The following TCF4 variants were observed in gnomAD, a reference collection of about 807,000 sequenced individuals.
TCF4 encodes the protein SL3-3 enhancer factor 2.
Under a neutral mutation model 82.1 loss-of-function variants are expected in TCF4, and 3 were observed. The observed-to-expected ratio is 0.04, with a 90% CI of 0.02 to 0.09. The LOEUF (loss-of-function observed/expected upper bound fraction) is 0.09. TCF4 is among the 10% of genes least tolerant of loss of function. The pLI is 1.00. For missense variants in TCF4, 518 were observed against 852.7 expected, an observed-to-expected ratio of 0.61 and a Z score of 4.89; for synonymous variants, 276 against 309.6, an observed-to-expected ratio of 0.89 and a Z score of 1.14.
chr18:55,575,587 T>A lies in TCF4; in HGVS notation c.145+9693A>T, dbSNP rs185284024. Among the ~76,000 whole-genome samples, 373 of 152,282 alleles carry A rather than the reference T, an allele frequency of 2.4e-3. 3 individuals carry two copies. Among genetic ancestry groups the A allele is most frequent in the African/African-American group, 7.9e-3 (328 of 41,572 alleles). ...CCTCTTTGTCATAAATTTTTTTTTTTACTCTATACCAAGCACAGTCATTCA... is the reference window on the plus strand; with the variant it reads ...CCTCTTTGTCATAAATTTTTTTTTTAACTCTATACCAAGCACAGTCATTCA... On this transcript the variant is annotated intron_variant, in intron 3 of 19. Transcript: ENST00000354452.
chr18:55,368,954 A>C (rs2088082239), intron 6 of TCF4, among the ~76,000 whole-genome samples: 2 of 152,220 alleles, frequency 1.3e-5, no homozygotes, highest in South Asian at 4.1e-4. Context: ...TGTAAAACAA[A>C]GGAGGGGGCT....
At chr18:55,517,170 C>T (rs927499821) in intron 3 of TCF4, among the ~76,000 whole-genome samples, 2 of 152,168 alleles carry the variant, frequency 1.3e-5, no homozygotes, top group Non-Finnish European at 2.9e-5. Context: ...TGATACTGGA[C>T]TATGCCACAT....
At position 55,325,744 on chromosome 18, in the gene TCF4, C is replaced by T. The variant is rs140712941; in HGVS notation, c.549+24615G>A. On this transcript the variant is annotated intron_variant, in intron 8 of 19. Transcript: ENST00000354452. ...TTCTTTTTTTCAGTATAAGACATTG[C>T]TTATTTCTACAATGCTGACCTCTTT... Among the ~76,000 whole-genome samples, 190 of 152,212 alleles carry T rather than the reference C, an allele frequency of 1.2e-3. 1 individual carries two copies. The highest frequency in any genetic ancestry group is 4.2e-3 in the African/African-American group (173 of 41,528).
chr18:55,410,621 T>C (rs191447253), intron 5 of TCF4, among the ~76,000 whole-genome samples: 1 of 152,206 alleles, frequency 6.6e-6, no homozygotes, highest in African/African-American at 2.4e-5. Context: ...TGCACAGATA[T>C]GAAGTGGTGA....
intron 3 of TCF4, among the ~76,000 whole-genome samples, chr18:55,517,040 A>AG (rs1398940678): frequency 6.6e-6 from 1 of 152,194 alleles, no homozygotes; most frequent in Non-Finnish European, 1.5e-5. Flanking sequence ...CTAGCAACAG[A>AG]GGTTAGGAAA....
At chr18:55,330,478 T>C (rs1212208888) in intron 8 of TCF4, among the ~76,000 whole-genome samples, 1 of 151,036 alleles carries the variant, frequency 6.6e-6, no homozygotes, top group East Asian at 2.0e-4. Context: ...ACGCCTGGCA[T>C]GTTGGATATC....
chr18:55,354,885 C>T (rs1215175147), intron 6 of TCF4, among the ~76,000 whole-genome samples: 1 of 152,132 alleles, frequency 6.6e-6, no homozygotes, highest in Non-Finnish European at 1.5e-5. Context: ...CCCCTGGTTT[C>T]TCAGGGCTTT....
chr18:55,476,511 A>G (rs188610967), intron 3 of TCF4, among the ~76,000 whole-genome samples: 14 of 151,470 alleles, frequency 9.2e-5, no homozygotes, highest in Admixed American at 8.5e-4. Context: ...CCTGCTCTTC[A>G]TCTAGGGTAT....
At chr18:55,535,144 C>G (rs1007617961) in intron 3 of TCF4, among the ~76,000 whole-genome samples, 1 of 152,206 alleles carries the variant, frequency 6.6e-6, no homozygotes, top group Non-Finnish European at 1.5e-5. Context: ...AATAACACCA[C>G]GTGAGACACT....
chr18:55,372,854 T>C (rs750738422), intron 6 of TCF4, among the ~76,000 whole-genome samples: 1 of 152,136 alleles, frequency 6.6e-6, no homozygotes, highest in Non-Finnish European at 1.5e-5. Flanking sequence ...TCATCTTTTT[T>C]AGGAAAGATA....
At chr18:55,317,736 G>C (rs183273265) in intron 8 of TCF4, among the ~76,000 whole-genome samples, 18 of 152,174 alleles carry the variant, frequency 1.2e-4, no homozygotes, top group Non-Finnish European at 1.9e-4. Context: ...TCTAAGAATA[G>C]AGAGTTTCCC....
chr18:55,295,223 C>G (rs1406654159), intron 8 of TCF4, among the ~76,000 whole-genome samples: 1 of 152,144 alleles, frequency 6.6e-6, no homozygotes, highest in Non-Finnish European at 1.5e-5. Context: ...TTGCTGTCTT[C>G]TGTTTTATAT....
intron 3 of TCF4, among the ~76,000 whole-genome samples, chr18:55,501,272 A>C (rs2096697072): frequency 6.6e-6 from 1 of 152,132 alleles, no homozygotes. Context: ...CAGTGCCTTA[A>C]TTTTAAAGAA....
At chr18:55,400,263 G>A (rs934401441) in intron 6 of TCF4, among the ~76,000 whole-genome samples, 1 of 151,948 alleles carries the variant, frequency 6.6e-6, no homozygotes, top group Admixed American at 6.6e-5. Flanking sequence ...ACTCATTTTC[G>A]TTTCTGTCAG....
At chr18:55,484,496 A>C (rs140551284) in intron 3 of TCF4, among the ~76,000 whole-genome samples, 1 of 152,356 alleles carries the variant, frequency 6.6e-6, no homozygotes, top group East Asian at 1.9e-4. Context: ...CTATGAAGAA[A>C]AGTGCTGCTG....
chr18:55,632,107 C>T lies in TCF4; in HGVS notation c.196-719G>A, dbSNP rs1024982641. On this transcript the variant is annotated intron_variant, in intron 1 of 20. Transcript: ENST00000398339. ...AGGCTGGAGTGCAGTGGCACGATCT[C>T]GGCTTGCTGCAAGCTCCGCCTCCCG... Among the ~76,000 whole-genome samples, 6 of 152,260 alleles carry T rather than the reference C, an allele frequency of 3.9e-5. No individual in the cohort carries two copies. In the South Asian group the frequency reaches 8.3e-4, roughly 21 times the overall value.
intron 2 of TCF4, among the ~76,000 whole-genome samples, chr18:55,604,040 A>G (rs1238674388): frequency 1.3e-5 from 2 of 152,150 alleles, no homozygotes; most frequent in Non-Finnish European, 2.9e-5. Context: ...CATTCTTCCC[A>G]TAACTGTCAC....
intron 2 of TCF4, among the ~76,000 whole-genome samples, chr18:55,609,767 G>A (rs1357411707): frequency 6.6e-6 from 1 of 152,080 alleles, no homozygotes; most frequent in Non-Finnish European, 1.5e-5. Flanking sequence ...CTTTGCACTT[G>A]CTGTTCGCTC....
At chr18:55,495,361 C>T (rs2096623639) in intron 3 of TCF4, among the ~76,000 whole-genome samples, 1 of 151,328 alleles carries the variant, frequency 6.6e-6, no homozygotes, top group African/African-American at 2.4e-5. Flanking sequence ...GATACTTGGC[C>T]ACTTATTTCT....
Sources: allele counts gnomAD v4.1 joint callset (sites outside exome capture counted in the v4.1 genomes callset), GRCh38; gene constraint gnomAD v4.1.1; transcripts MANE v1.5; gene names NCBI Gene and HGNC (gene_info 2026-07-23, HGNC 2026-07-21).